Variants in ZNF385D observed in about 807,000 individuals in gnomAD.
The protein encoded by ZNF385D is zinc finger protein 385D.
A neutral mutation model predicts 35.8 loss-of-function variants in ZNF385D; 15 were observed. The observed-to-expected ratio is 0.42, with a 90% confidence interval of 0.28 to 0.64. The LOEUF (loss-of-function observed/expected upper bound fraction) is 0.64, where lower values mean the gene tolerates loss of function less well. ZNF385D is among the 30% of genes least tolerant of loss of function. The probability of loss-of-function intolerance (pLI) is 0.23; values close to 1 mark genes in which losing one functional copy is unlikely to be tolerated. For synonymous variants in ZNF385D, 212 were observed against 186.8 expected (o/e 1.13, Z -1.10); for missense variants, 474 against 494.6 (o/e 0.96, Z 0.39).
chr3:22,221,481 G>T (rs139128938), intron 2 of ZNF385D, among the ~76,000 whole-genome samples: 228 of 152,172 alleles, frequency 1.5e-3, no homozygotes, highest in African/African-American at 5.1e-3. Context: ...CAAGCATTGC[G>T]TTAGAGTGTT....
At chr3:21,802,299 T>C (rs2072441280) in intron 3 of ZNF385D, among the ~76,000 whole-genome samples, 1 of 152,198 alleles carries the variant, frequency 6.6e-6, no homozygotes, top group South Asian at 2.1e-4. Flanking sequence ...TTAATCATGA[T>C]CATGGGGTAA....
At chr3:21,684,096 A>G (rs1273264082) in intron 1 of ZNF385D, among the ~76,000 whole-genome samples, 2 of 149,762 alleles carry the variant, frequency 1.3e-5, no homozygotes, top group Non-Finnish European at 3.0e-5. Flanking sequence ...TATATGTCCC[A>G]CTTTAGACCT....
intron 3 of ZNF385D, among the ~76,000 whole-genome samples, chr3:21,852,239 C>A (rs1473746776): frequency 6.6e-6 from 1 of 151,900 alleles, no homozygotes; most frequent in Non-Finnish European, 1.5e-5. Flanking sequence ...CTTTATATGT[C>A]TCTCATTGGG....
intron 3 of ZNF385D, among the ~76,000 whole-genome samples, chr3:21,527,609 C>T (rs761052319): frequency 4.6e-5 from 7 of 152,102 alleles, no homozygotes; most frequent in Non-Finnish European, 8.8e-5. Context: ...TAACTTCAGG[C>T]TTTCCTCCAC....
At chr3:21,981,546 G>A (rs1230586941) in intron 3 of ZNF385D, among the ~76,000 whole-genome samples, 3 of 152,108 alleles carry the variant, frequency 2.0e-5, no homozygotes, top group Admixed American at 6.6e-5. Context: ...CTTTTGCTGT[G>A]CAGATGCTCT....
chr3:22,062,321 C>G (rs1264843790), intron 3 of ZNF385D, among the ~76,000 whole-genome samples: 1 of 152,172 alleles, frequency 6.6e-6, no homozygotes, highest in African/African-American at 2.4e-5. Flanking sequence ...TCCCAAAGGG[C>G]TGGAATTACA....
chr3:21,906,764 G>C (rs979722143), intron 3 of ZNF385D, among the ~76,000 whole-genome samples: 7 of 152,136 alleles, frequency 4.6e-5, no homozygotes, highest in Admixed American at 1.3e-4. Context: ...TTGCCTGTCT[G>C]CCATACTGTC....
At chr3:21,794,691 T>G (rs545476321) in intron 3 of ZNF385D, among the ~76,000 whole-genome samples, 12 of 151,940 alleles carry the variant, frequency 7.9e-5, no homozygotes, top group African/African-American at 2.9e-4. Context: ...GGAGGAAGAG[T>G]CATCCAGGAG....
At chr3:21,859,369 T>C (rs551327198) in intron 3 of ZNF385D, among the ~76,000 whole-genome samples, 50 of 151,978 alleles carry the variant, frequency 3.3e-4, no homozygotes, top group Non-Finnish European at 5.0e-4. Context: ...TGGCTTTATC[T>C]TTCCTCTTAA....
chr3:22,000,962 A>G (rs1469639149), intron 3 of ZNF385D, among the ~76,000 whole-genome samples: 1 of 152,076 alleles, frequency 6.6e-6, no homozygotes, highest in Non-Finnish European at 1.5e-5. Flanking sequence ...TAAAAATATA[A>G]AATAAAATAA....
intron 2 of ZNF385D, among the ~76,000 whole-genome samples, chr3:22,342,988 G>A (rs1367204497): frequency 6.6e-6 from 1 of 152,110 alleles, no homozygotes; most frequent in Non-Finnish European, 1.5e-5. Context: ...GTGCTGTTAT[G>A]AACAAATACA....
chr3:21,459,812 A>G (rs1703052176), intron 4 of ZNF385D, among the ~76,000 whole-genome samples: 1 of 152,218 alleles, frequency 6.6e-6, no homozygotes, highest in Non-Finnish European at 1.5e-5. Flanking sequence ...TTGCCATCTA[A>G]GATATGTTCA....
intron 2 of ZNF385D, among the ~76,000 whole-genome samples, chr3:22,258,676 T>C (rs1439074828): frequency 6.6e-6 from 1 of 151,774 alleles, no homozygotes; most frequent in African/African-American, 2.4e-5. Flanking sequence ...AGAGATTCTA[T>C]TTATGTGGGT....
rs549481832 is a variant in ZNF385D at position 22,135,208 on chromosome 3, A to G, written c.325+33609T>C. ...AACAAAATCATCCTTATTTATAGAC[A>G]TATTGGCAACTTCAAAATTTGCAAA... On this transcript the variant is annotated intron_variant, in intron 3 of 5. Coordinates refer to the ZNF385D transcript ENST00000494108. Among the ~76,000 whole-genome samples the G allele has an allele frequency of 4.6e-5, 7 of 152,250 alleles. No individual in the cohort carries two copies. The East Asian group carries it at 1.4e-3, about 29-fold the overall frequency.
chr3:22,262,243 G>A (rs542162089), intron 2 of ZNF385D, among the ~76,000 whole-genome samples: 1 of 151,882 alleles, frequency 6.6e-6, no homozygotes, highest in African/African-American at 2.4e-5. Context: ...GAGCTATTCT[G>A]TGAGAATCTT....
chr3:22,245,825 G>C (rs1198844857), intron 2 of ZNF385D, among the ~76,000 whole-genome samples: 1 of 152,030 alleles, frequency 6.6e-6, no homozygotes, highest in African/African-American at 2.4e-5. Context: ...AACTTCCTGG[G>C]ACAGATTGGA....
intron 4 of ZNF385D, among the ~76,000 whole-genome samples, chr3:21,437,450 C>A (rs1701615487): frequency 1.3e-5 from 2 of 151,958 alleles, no homozygotes; most frequent in South Asian, 2.1e-4. Flanking sequence ...TAAAAATATT[C>A]TATGGGGTAA....
intron 5 of ZNF385D, among the ~76,000 whole-genome samples, chr3:21,429,245 G>A (rs943285325): frequency 1.7e-4 from 26 of 151,658 alleles, no homozygotes; most frequent in African/African-American, 6.3e-4. Context: ...CCAACTAGAG[G>A]TATATAAAAA....
intron 3 of ZNF385D, among the ~76,000 whole-genome samples, chr3:21,830,971 T>C (rs1437558992): frequency 6.6e-6 from 1 of 152,180 alleles, no homozygotes; most frequent in African/African-American, 2.4e-5. Flanking sequence ...TAAAAACTAG[T>C]ATTTGGGTTT....
Sources: gnomAD v4.1 joint callset for allele counts (sites outside exome capture counted in the v4.1 genomes callset) on GRCh38, gnomAD v4.1.1 for gene constraint, MANE v1.5 for transcripts, NCBI Gene and HGNC (gene_info 2026-07-23, HGNC 2026-07-21) for gene names.